TMEM269: variants seen among roughly 807,000 people sequenced by gnomAD.
TMEM269 encodes the protein transmembrane protein 269.
TMEM269 carries 12 observed loss-of-function variants against 15.8 expected under a neutral mutation model. The observed-to-expected ratio is 0.76, with a 90% CI of 0.49 to 1.23. The LOEUF is 1.23. TMEM269 is among the 50% of genes most tolerant of loss of function. The pLI is 0.00. For synonymous variants in TMEM269, 93 were observed against 99.3 expected (o/e 0.94, Z 0.38); for missense variants, 211 against 245.4 (o/e 0.86, Z 0.94).
At chr1:42,793,886 A>T in intron 4 of TMEM269, 142 bp downstream of exon 4, 2 of 1,033,086 alleles carry the variant, frequency 1.9e-6, no homozygotes, top group South Asian at 3.4e-5. Flanking sequence ...CCCATGCCCC[A>T]TGCCCACTGA....
In TMEM269 at chr1:42,788,443, C is replaced by G. The variant is rs1325135297; in HGVS notation, c.-98-1353C>G. Among the ~76,000 whole-genome samples, 1 of 152,108 alleles carries G rather than the reference C, an allele frequency of 6.6e-6. No homozygotes were observed. The highest frequency in any genetic ancestry group is 1.5e-5 in the Non-Finnish European group (1 of 68,026). On this transcript the variant is annotated intron_variant, in intron 1 of 5. Transcript: ENST00000637012. This position sits in a 1 kb window ranked among gnomAD's most constrained non-coding sequence, Gnocchi z 4.0. ...GGAATGGGGCTCTTTCTCCAAGAGA[C>G]TCAGTTTCTCAAGCAGATTGAGTGT...
rs1469609662 is a variant in TMEM269, at chr1:42,793,668, G to T, written c.207G>T (p.Val69=). 2.6e-6 allele frequency: 4 copies of T among 1,550,488 alleles called. No individual in the cohort carries two copies. The highest frequency in any genetic ancestry group is 3.5e-6 in the Non-Finnish European group (4 of 1,146,980). The change falls in exon 4 of 6, where the codon GTG becomes GTT. Residue 69 remains valine, a synonymous_variant. Coordinates refer to ENST00000637012, the MANE Select transcript of TMEM269 (RefSeq NM_001354602.2). ...FGLASALLLG[V]DGLLSGILAI... ...TGGCCTCCGCTCTGCTCCTAGGCGT[G>T]GATGGACTTCTGAGTGGGATCCTGG...
intron 1 of TMEM269, chr1:42,789,570 C>T: frequency 7.1e-7 from 1 of 1,409,468 alleles, no homozygotes; most frequent in Non-Finnish European, 9.7e-7. Context: ...TGTGTTGGTT[C>T]ACCCACTCTG....
rs1653760359 is a variant in TMEM269 at position 42,794,601 on chromosome 1, G to A, written c.472G>A (p.Val158Ile). ...GGAGTCTGAGAACTGGAAAAAATTG[G>A]TTTATATAGGAGGTGAGTGAAAATG... The part of the protein sequence containing the change: ...ILESENWKKL[V>I]YIGGVIMLFF... The change falls in exon 5 of 6, where the codon GTT (valine) becomes ATT (isoleucine). Residue 158 changes from valine (V) to isoleucine (I), a missense_variant. By Grantham distance (29) the Val-to-Ile change is conservative. Coordinates refer to ENST00000637012, the MANE Select transcript of TMEM269 (RefSeq NM_001354602.2). 2 of 1,550,562 alleles carry A rather than the reference G, an allele frequency of 1.3e-6. No individual in the cohort carries two copies.
At chr1:42,792,752 A>G in intron 2 of TMEM269, 53 bp from the exon 3 acceptor site, 2 of 1,102,626 alleles carry the variant, frequency 1.8e-6, no homozygotes, top group Non-Finnish European at 1.4e-6. Context: ...GAGAGTCTCC[A>G]GTGGAAACTG....
In TMEM269 at chr1:42,789,834, C is replaced by T. The variant is rs748800057; in HGVS notation, c.-60C>T. The T allele has an allele frequency of 7.7e-6, 12 of 1,550,190 alleles. No individual in the cohort carries two copies. The South Asian group carries it at 1.4e-4, about 18-fold the overall frequency. Reference sequence around the variant, plus strand: ...TTTCTTCCTGAGCCATGACCAGAGCCATTCCCAGATAAATGAGGTTTCCTG... The same window carrying T: ...TTTCTTCCTGAGCCATGACCAGAGCTATTCCCAGATAAATGAGGTTTCCTG... On this transcript the variant is annotated 5_prime_UTR_variant, in exon 2 of 6. Transcript: ENST00000637012.
Position 42,789,791 on chromosome 1 carries a change from C to T in TMEM269, c.-98-5C>T. ...AACCCTTCGCCCCTCTCTCTTGGGC[C>T]CCAGGTAAGGGTACCAGTTTCTTCC... On this transcript the variant is annotated splice_polypyrimidine_tract_variant and splice_region_variant and intron_variant, in intron 1 of 5. Transcript: ENST00000637012. The T allele has an allele frequency of 6.8e-7, 1 of 1,473,300 alleles. No individual in the cohort carries two copies. The allele number at this position is 1,473,300 out of a possible 1,614,324, so 91.3% of individuals were successfully genotyped here.
At chr1:42,796,293 C>T (rs1479144241) in intron 5 of TMEM269, among the ~76,000 whole-genome samples, 7 of 152,172 alleles carry the variant, frequency 4.6e-5, no homozygotes, top group Non-Finnish European at 8.8e-5. Context: ...AAACCACATA[C>T]TTGGCCTCAG....
At chr1:42,794,369 T>C in intron 4 of TMEM269, 44 bp from the exon 5 acceptor site, 1 of 1,465,562 alleles carries the variant, frequency 6.8e-7, no homozygotes, top group Non-Finnish European at 9.3e-7. Flanking sequence ...TTGGTATCTT[T>C]AGAGCAGAGG....
chr1:42,790,672 A>G (rs1653668412), intron 2 of TMEM269, among the ~76,000 whole-genome samples: 1 of 149,752 alleles, frequency 6.7e-6, no homozygotes, highest in Non-Finnish European at 1.5e-5. Context: ...GGCTCAAGTG[A>G]TCCACCTGCC....
rs1186602863 is a variant in TMEM269, at chr1:42,798,468, C to A, written c.*243C>A. 4 of 471,866 alleles carry A rather than the reference C, an allele frequency of 8.5e-6. No individual in the cohort carries two copies. The highest frequency in any genetic ancestry group is 1.5e-5 in the Non-Finnish European group (4 of 264,064). 29.2% of individuals were successfully genotyped at this position (471,866 alleles called of 1,614,324 possible). A position where few individuals can be genotyped will look rare whatever the true frequency, so the allele number is the denominator to read the frequency against. On this transcript the variant is annotated 3_prime_UTR_variant, in exon 6 of 6. Coordinates refer to ENST00000637012, the MANE Select transcript of TMEM269 (RefSeq NM_001354602.2). ...TTTATGTCATGTAGAGCAGAATATC[C>A]CCCCGCCTCAAGCTCAATGTGGGCT...
chr1:42,785,622 G>C lies in TMEM269; in HGVS notation c.-99+540G>C, dbSNP rs114706845. Among the ~76,000 whole-genome samples the C allele has an allele frequency of 4.1e-3, 624 of 152,152 alleles. 2 individuals are homozygous for C. The highest frequency in any genetic ancestry group is 0.014 in the African/African-American group (596 of 41,518). Reference sequence around the variant, plus strand: ...CTCTGCTCCCTTACTGAACACCACAGTGCCCGCCACGGGCTGCCACTCAAG... The same window carrying C: ...CTCTGCTCCCTTACTGAACACCACACTGCCCGCCACGGGCTGCCACTCAAG... On this transcript the variant is annotated intron_variant, in intron 1 of 5. Coordinates refer to ENST00000637012, the MANE Select transcript of TMEM269 (RefSeq NM_001354602.2).
Position 42,798,371 on chromosome 1 carries a change from C to A in TMEM269, c.*146C>A. On this transcript the variant is annotated 3_prime_UTR_variant, in exon 6 of 6. Coordinates refer to ENST00000637012, the MANE Select transcript of TMEM269 (RefSeq NM_001354602.2). ...TGTCTGTTGCCATGAAGTTAGAAACCCAAAGCAGGGTCAGTGAACTTCACT... is the reference window on the plus strand; with the variant it reads ...TGTCTGTTGCCATGAAGTTAGAAACACAAAGCAGGGTCAGTGAACTTCACT... The A allele has an allele frequency of 1.9e-6, 2 of 1,058,170 alleles. No homozygotes were observed. The highest frequency in any genetic ancestry group is 2.7e-6 in the Non-Finnish European group (2 of 753,994). The allele number at this position is 1,058,170 out of a possible 1,614,324, so 65.5% of individuals were successfully genotyped here.
chr1:42,786,603 G>A lies in TMEM269; in HGVS notation c.-99+1521G>A, dbSNP rs183565413. 5.3e-5 allele frequency among the ~76,000 whole-genome samples: 8 copies of A among 152,328 alleles called. 1 individual carries two copies. Among genetic ancestry groups the A allele is most frequent in the Admixed American group, 3.3e-4 (5 of 15,310 alleles). ...GAGTGACCAGATCACCTGCAGTCTC[G>A]TGCTGTGCCAAGCCTCAGCCCTCGC... On this transcript the variant is annotated intron_variant, in intron 1 of 5. Transcript: ENST00000637012.
chr1:42,794,591 G>A lies in TMEM269; in HGVS notation c.462G>A (p.Trp154Ter). 6.4e-7 allele frequency: 1 copy of A among 1,550,700 alleles called. No individual in the cohort carries two copies. Among genetic ancestry groups the A allele is most frequent in the African/African-American group, 1.4e-5 (1 of 73,112 alleles). Residue 154 changes from tryptophan to a stop codon, truncating the protein, a stop_gained, in exon 5 of 6, where the codon TGG becomes TGA. Transcript: ENST00000637012. LOFTEE classifies it high-confidence loss of function. ...PYDKILESEN[W>*]KKLVYIGGVI... Reference sequence around the variant, plus strand: ...ACAAAATCCTGGAGTCTGAGAACTGGAAAAAATTGGTTTATATAGGAGGTG... The same window carrying A: ...ACAAAATCCTGGAGTCTGAGAACTGAAAAAAATTGGTTTATATAGGAGGTG...
At position 42,799,552 on chromosome 1, in the gene TMEM269, C is replaced by A. The variant is rs1325180773; in HGVS notation, c.*1327C>A. 1.3e-5 allele frequency: 2 copies of A among 152,210 alleles called. No homozygotes were observed. The allele number at this position is 152,210 out of a possible 1,614,324, so 9.4% of individuals were successfully genotyped here. A position where few individuals can be genotyped will look rare whatever the true frequency, so the allele number is the denominator to read the frequency against. On this transcript the variant is annotated 3_prime_UTR_variant, in exon 6 of 6. Transcript: ENST00000637012. ...TATGTTCCTAGTTAGATGGATTTGC[C>A]TGTGTCCCAGGACTTTATATCTCCT...
intron 1 of TMEM269, among the ~76,000 whole-genome samples, chr1:42,786,778 G>C (rs553649695): frequency 6.6e-6 from 1 of 152,334 alleles, no homozygotes; most frequent in South Asian, 2.1e-4. Context: ...CAAGCACCAG[G>C]CACCACATCT....
chr1:42,789,610 T>C (rs1403411270), intron 1 of TMEM269, 186 bp from the exon 2 acceptor site: 1 of 1,069,086 alleles, frequency 9.4e-7, no homozygotes. Flanking sequence ...CGCTGGATCC[T>C]CAGCACCTTT....
rs565641561 is a variant in TMEM269, at chr1:42,791,368, C to T, written c.41+1434C>T. On this transcript the variant is annotated intron_variant, in intron 2 of 5. Transcript: ENST00000637012. ...CCTTAACAAATTTTAAAAAAGTATA[C>T]TCTCAGACAACATGGAAATGAACTA... Among the ~76,000 whole-genome samples, 53 of 152,268 alleles carry T rather than the reference C, an allele frequency of 3.5e-4. 1 individual carries two copies. In the South Asian group the frequency reaches 0.01, roughly 29 times the overall value.
Sources: allele counts gnomAD v4.1 joint callset (sites outside exome capture counted in the v4.1 genomes callset), GRCh38; gene constraint gnomAD v4.1.1; non-coding constraint Gnocchi (gnomAD v3.1); transcripts MANE v1.5; gene names NCBI Gene and HGNC (gene_info 2026-07-23, HGNC 2026-07-21).